The following SNTB1 variants were observed in gnomAD, a reference collection of about 807,000 sequenced individuals.
SNTB1 encodes the protein syntrophin beta 1.
SNTB1 carries 36 observed loss-of-function variants against 48.9 expected under a neutral mutation model. That is an observed-to-expected ratio of 0.74 (90% confidence interval 0.56 to 0.97). The LOEUF (loss-of-function observed/expected upper bound fraction) is 0.97, where lower values mean the gene tolerates loss of function less well. Ranked by LOEUF, SNTB1 falls within the 50% of genes least tolerant of loss-of-function variation. The pLI, the probability that SNTB1 is intolerant of heterozygous loss-of-function variation, is 0.00. For missense variants in SNTB1, 786 were observed against 703.4 expected (o/e 1.12, Z -1.33); for synonymous variants, 299 against 294.6 (o/e 1.01, Z -0.15).
chr8:120,705,257 G>T (rs2129901805), intron 1 of SNTB1, among the ~76,000 whole-genome samples: 1 of 152,250 alleles, frequency 6.6e-6, no homozygotes, highest in Admixed American at 6.5e-5. Flanking sequence ...CAAATTACTT[G>T]GTTTCCCCAA....
At chr8:120,750,604 A>G (rs1255223035) in intron 1 of SNTB1, among the ~76,000 whole-genome samples, 2 of 152,122 alleles carry the variant, frequency 1.3e-5, no homozygotes, top group African/African-American at 2.4e-5. Flanking sequence ...GACTCTTGGG[A>G]GAAAGATGCT....
chr8:120,606,509 T>G (rs1816522693), intron 3 of SNTB1, among the ~76,000 whole-genome samples: 1 of 151,682 alleles, frequency 6.6e-6, no homozygotes. Flanking sequence ...AAGACAAGAT[T>G]TGAGTTTCAG....
At chr8:120,783,274 A>G (rs1377142639) in intron 1 of SNTB1, among the ~76,000 whole-genome samples, 1 of 152,170 alleles carries the variant, frequency 6.6e-6, no homozygotes, top group Non-Finnish European at 1.5e-5. Context: ...TTACTGAATC[A>G]TTCAACAATT....
chr8:120,750,323 T>C (rs1195132759), intron 1 of SNTB1, among the ~76,000 whole-genome samples: 1 of 152,186 alleles, frequency 6.6e-6, no homozygotes, highest in African/African-American at 2.4e-5. Flanking sequence ...AATCATTTTA[T>C]GGAGAGTGTC....
chr8:120,681,912 A>G (rs1197935889), intron 2 of SNTB1, among the ~76,000 whole-genome samples: 1 of 151,336 alleles, frequency 6.6e-6, no homozygotes, highest in African/African-American at 2.4e-5. Context: ...AAACAAACAG[A>G]AAACAGTAAA....
chr8:120,603,614 C>A (rs1816461167), intron 3 of SNTB1, among the ~76,000 whole-genome samples: 1 of 152,166 alleles, frequency 6.6e-6, no homozygotes, highest in Non-Finnish European at 1.5e-5. Flanking sequence ...AATCTATGTT[C>A]CAACAAGTCC....
At chr8:120,677,566 CT>C (rs1240938350) in intron 2 of SNTB1, among the ~76,000 whole-genome samples, 5 of 152,104 alleles carry the variant, frequency 3.3e-5, no homozygotes, top group Admixed American at 3.3e-4. Flanking sequence ...CTTAACACAT[CT>C]TCATGATACT....
intron 1 of SNTB1, among the ~76,000 whole-genome samples, chr8:120,796,034 G>A (rs1820114401): frequency 6.6e-6 from 1 of 152,006 alleles, no homozygotes; most frequent in African/African-American, 2.4e-5. Flanking sequence ...CCCCAGGTTG[G>A]ACTAGGGTCC....
At chr8:120,600,513 T>C (rs756750411) in intron 3 of SNTB1, among the ~76,000 whole-genome samples, 1 of 152,160 alleles carries the variant, frequency 6.6e-6, no homozygotes, top group Non-Finnish European at 1.5e-5. Flanking sequence ...CCCACAGAAT[T>C]GTGAGAGATG....
chr8:120,666,314 T>A (rs1817672914), intron 2 of SNTB1, among the ~76,000 whole-genome samples: 1 of 152,236 alleles, frequency 6.6e-6, no homozygotes, highest in African/African-American at 2.4e-5. Flanking sequence ...AGTCTTCATT[T>A]CACCTTAATT....
At position 120,811,536 on chromosome 8, in the gene SNTB1, G is replaced by A; in HGVS notation, c.308C>T (p.Pro103Leu). ...ACGCTTCTGGTTCGAGATGGACTCG[G>A]GCACCTGCTCGGGCAGGTCGGTGAA... ...TAFTDLPEQV[P>L]ESISNQKRGV... Residue 103 changes from proline to leucine, a missense_variant, in exon 1 of 7, where the codon CCC becomes CTC. Physicochemically the swap from Pro to Leu is moderately conservative, Grantham distance 98. Transcript: ENST00000517992. 6.2e-7 allele frequency: 1 copy of A among 1,609,296 alleles called. No homozygotes were observed. Among genetic ancestry groups the A allele is most frequent in the Non-Finnish European group, 8.5e-7 (1 of 1,177,844 alleles).
At chr8:120,716,225 C>T (rs547992830) in intron 1 of SNTB1, among the ~76,000 whole-genome samples, 1 of 152,286 alleles carries the variant, frequency 6.6e-6, no homozygotes, top group African/African-American at 2.4e-5. Context: ...GCATGTCTGC[C>T]ACAGACTGAC....
At position 120,649,752 on chromosome 8, in the gene SNTB1, G is replaced by A. The variant is rs188231158; in HGVS notation, c.789-17101C>T. 7.5e-3 allele frequency among the ~76,000 whole-genome samples: 1,143 copies of A among 152,302 alleles called. 15 individuals are homozygous for A. The highest frequency in any genetic ancestry group is 0.075 in the Middle Eastern group (22 of 294). ...TAATGAAGCCTGGGCAATGGCGGGC[G>A]CCCCTCCCCCAGCCTAGCTGCCACC... On this transcript the variant is annotated intron_variant, in intron 2 of 6. Coordinates refer to ENST00000517992, the MANE Select transcript of SNTB1 (RefSeq NM_021021.4).
intron 2 of SNTB1, among the ~76,000 whole-genome samples, chr8:120,687,234 T>C (rs2129840545): frequency 6.6e-6 from 1 of 152,340 alleles, no homozygotes; most frequent in South Asian, 2.1e-4. Context: ...TATGAATGTG[T>C]AACTAAAGTA....
chr8:120,590,513 G>A (rs1816221274), intron 3 of SNTB1, among the ~76,000 whole-genome samples: 1 of 152,062 alleles, frequency 6.6e-6, no homozygotes. Flanking sequence ...TTGTAAAAGT[G>A]CAGGCCATAA....
At chr8:120,568,899 A>C (rs1815796519) in intron 4 of SNTB1, among the ~76,000 whole-genome samples, 1 of 152,218 alleles carries the variant, frequency 6.6e-6, no homozygotes, top group African/African-American at 2.4e-5. Flanking sequence ...CAGTGAGTTG[A>C]GGGGACAACT....
chr8:120,589,847 A>G (rs985746812), intron 3 of SNTB1, among the ~76,000 whole-genome samples: 8 of 152,184 alleles, frequency 5.3e-5, no homozygotes, highest in African/African-American at 1.9e-4. Context: ...TTAGCATTTC[A>G]ATATATAAAT....
At chr8:120,665,803 A>G (rs1441120925) in intron 2 of SNTB1, among the ~76,000 whole-genome samples, 1 of 152,178 alleles carries the variant, frequency 6.6e-6, no homozygotes, top group African/African-American at 2.4e-5. Context: ...TTATATTTTT[A>G]TAGCACTGTT....
intron 1 of SNTB1, among the ~76,000 whole-genome samples, chr8:120,783,987 TG>T (rs1372338038): frequency 1.5e-5 from 2 of 134,368 alleles, no homozygotes; most frequent in African/African-American, 5.4e-5. Flanking sequence ...ACTCCAGTTT[TG>T]TTTTGTTTTG....
Sources: allele counts gnomAD v4.1 joint callset (sites outside exome capture counted in the v4.1 genomes callset), GRCh38; gene constraint gnomAD v4.1.1; transcripts MANE v1.5; gene names NCBI Gene and HGNC (gene_info 2026-07-23, HGNC 2026-07-21).